DOLPP1: variants seen among roughly 807,000 people sequenced by gnomAD.
The protein encoded by DOLPP1 is dolichyl pyrophosphate phosphatase 1.
A neutral mutation model predicts 34.1 loss-of-function variants in DOLPP1; 15 were observed. The ratio of observed to expected loss-of-function variants is 0.44; its 90% CI spans 0.29 to 0.68. The LOEUF (loss-of-function observed/expected upper bound fraction) is 0.68, where lower values mean the gene tolerates loss of function less well. DOLPP1 is among the 30% of genes least tolerant of loss of function. The pLI, the probability that DOLPP1 is intolerant of heterozygous loss-of-function variation, is 0.12. For synonymous variants in DOLPP1, 130 were observed against 128.2 expected, an observed-to-expected ratio of 1.01 and a Z score of -0.10; for missense variants, 249 against 307.1, an observed-to-expected ratio of 0.81 and a Z score of 1.41.
At chr9:129,086,642 G>T in intron 6 of DOLPP1, 67 bp from the exon 7 acceptor site, 2 of 1,505,464 alleles carry the variant, frequency 1.3e-6, no homozygotes, top group Non-Finnish European at 1.8e-6. Context: ...CAATGGTGGG[G>T]ATGGCTGGCA....
Position 129,085,462 on chromosome 9 carries a change from T to G in DOLPP1, c.363-56T>G. ...CATTTGGATGGGGCCAGGGACTGTT[T>G]GGGAGGCCTGGGCTGGGCTGTGGGC... On this transcript the variant is annotated intron_variant, in intron 4 of 7. Coordinates refer to ENST00000372546, the MANE Select transcript of DOLPP1 (RefSeq NM_020438.5). The surrounding 1 kb of genome is among the most constrained non-coding windows in gnomAD (Gnocchi z 7.0). 1 of 1,578,076 alleles carries G rather than the reference T, an allele frequency of 6.3e-7. No individual in the cohort carries two copies. Among genetic ancestry groups the G allele is most frequent in the Non-Finnish European group, 8.7e-7 (1 of 1,150,232 alleles).
At chr9:129,081,537 C>T (rs1846889563) in intron 1 of DOLPP1, among the ~76,000 whole-genome samples, 1 of 152,182 alleles carries the variant, frequency 6.6e-6, no homozygotes, top group Admixed American at 6.5e-5. Flanking sequence ...CTTGGCCCTT[C>T]TTCCCCGCCC....
chr9:129,084,996 C>T (rs373322370), intron 2 of DOLPP1, 27 bp from the exon 3 acceptor site: 25 of 1,549,602 alleles, frequency 1.6e-5, no homozygotes, highest in Non-Finnish European at 2.2e-5. Flanking sequence ...CACAGAGGCC[C>T]AGCTGACCAT....
chr9:129,081,191 C>T lies in DOLPP1; in HGVS notation c.60C>T (p.His20=). ...CATGGCGGCCGGTGACCCTCACCCACGTCGAATATCCTGCAGGTAAAAGGC... is the reference window on the plus strand; with the variant it reads ...CATGGCGGCCGGTGACCCTCACCCATGTCGAATATCCTGCAGGTAAAAGGC... ...PASWRPVTLT[H]VEYPAGDLSG... The change falls in exon 1 of 8, where the codon CAC becomes CAT. Residue 20 remains histidine, a synonymous_variant. Coordinates refer to ENST00000372546, the MANE Select transcript of DOLPP1 (RefSeq NM_020438.5). The T allele has an allele frequency of 1.9e-6, 3 of 1,610,266 alleles. No homozygotes were observed. The highest frequency in any genetic ancestry group is 2.2e-5 in the East Asian group (1 of 44,760).
chr9:129,084,936 G>A, intron 2 of DOLPP1, 87 bp from the exon 3 acceptor site: 1 of 1,451,384 alleles, frequency 6.9e-7, no homozygotes, highest in Non-Finnish European at 9.5e-7. Context: ...TGGGCTGGGA[G>A]GTTCAGTCAG....
At chr9:129,088,939 TC>T (rs1483942357) in intron 7 of DOLPP1, 31 bp from the exon 8 acceptor site, 1 of 1,612,566 alleles carries the variant, frequency 6.2e-7, no homozygotes, top group Non-Finnish European at 8.5e-7. Flanking sequence ...ACACCAGATG[TC>T]TCCACATCTG....
At chr9:129,084,496 C>T in intron 1 of DOLPP1, 172 bp from the exon 2 acceptor site, 2 of 700,202 alleles carry the variant, frequency 2.9e-6, no homozygotes, top group Non-Finnish European at 5.2e-6. Context: ...TCACGTATGG[C>T]TGTGACTGAG....
At position 129,081,140 on chromosome 9, in the gene DOLPP1, G is replaced by A. The variant is rs754923282; in HGVS notation, c.9G>A (p.Ala3=). 14 of 1,608,818 alleles carry A rather than the reference G, an allele frequency of 8.7e-6. No homozygotes were observed. Among genetic ancestry groups the A allele is most frequent in the Non-Finnish European group, 1.2e-5 (14 of 1,179,288 alleles). Residue 3 remains alanine, a synonymous_variant, in exon 1 of 8, where the codon GCG becomes GCA. Coordinates refer to ENST00000372546, the MANE Select transcript of DOLPP1 (RefSeq NM_020438.5). MA[A]DGQCSLPASW... is the part of the protein sequence containing the mutation. The stretch of plus-strand genomic sequence containing the variant: ...CCCGGTCTCCGGGTAAGATGGCAGC[G>A]GACGGACAGTGCTCGCTCCCCGCTT...
Position 129,085,129 on chromosome 9 carries a change from C to G in DOLPP1, c.262+22C>G. Reference sequence around the variant, plus strand: ...GGAGGTAGGGCCTCAGCTGCGAGGGCCTGAGGTTCCCCCAGGTTGGGGCGT... The same window carrying G: ...GGAGGTAGGGCCTCAGCTGCGAGGGGCTGAGGTTCCCCCAGGTTGGGGCGT... On this transcript the variant is annotated intron_variant, in intron 3 of 7. Coordinates refer to ENST00000372546, the MANE Select transcript of DOLPP1 (RefSeq NM_020438.5). The surrounding 1 kb of genome is among the most constrained non-coding windows in gnomAD (Gnocchi z 7.0). 6.2e-7 allele frequency: 1 copy of G among 1,606,224 alleles called. No individual in the cohort carries two copies. Among genetic ancestry groups the G allele is most frequent in the South Asian group, 1.1e-5 (1 of 89,924 alleles).
chr9:129,086,067 C>T, intron 5 of DOLPP1, 72 bp from the exon 6 acceptor site: 4 of 1,493,686 alleles, frequency 2.7e-6, no homozygotes, highest in Non-Finnish European at 3.7e-6. Context: ...GAAGCTGGCA[C>T]ATGGGCAGTG....
At chr9:129,081,964 T>A (rs566711968) in intron 1 of DOLPP1, among the ~76,000 whole-genome samples, 1 of 152,192 alleles carries the variant, frequency 6.6e-6, no homozygotes, top group Non-Finnish European at 1.5e-5. Context: ...AATTCATCTC[T>A]AAAGTGGGAC....
chr9:129,082,045 C>T (rs1407493306), intron 1 of DOLPP1, among the ~76,000 whole-genome samples: 1 of 152,234 alleles, frequency 6.6e-6, no homozygotes, highest in Non-Finnish European at 1.5e-5. Flanking sequence ...GGGCTGAGTA[C>T]AGTGCCCGGC....
At chr9:129,084,799 C>T in intron 2 of DOLPP1, 31 bp downstream of exon 2, 1 of 1,517,002 alleles carries the variant, frequency 6.6e-7, no homozygotes, top group South Asian at 1.1e-5. Context: ...CCCTCCCCAC[C>T]CCACCCCCAG....
intron 2 of DOLPP1, 32 bp downstream of exon 2, chr9:129,084,800 C>T (rs780133051): frequency 1.3e-6 from 2 of 1,509,706 alleles, no homozygotes; most frequent in Non-Finnish European, 1.8e-6. Flanking sequence ...CCTCCCCACC[C>T]CACCCCCAGT....
chr9:129,085,729 C>T lies in DOLPP1; in HGVS notation c.461+113C>T. 1 of 820,658 alleles carries T rather than the reference C, an allele frequency of 1.2e-6. No individual in the cohort carries two copies. The highest frequency in any genetic ancestry group is 1.9e-6 in the Non-Finnish European group (1 of 530,694). The allele number at this position is 820,658 out of a possible 1,614,324, so 50.8% of individuals were successfully genotyped here. ...TAGTCCCAGAACCTGTAGTGCAGGA[C>T]TGGAAAAGGGGTCCCAGACCTCTAG... On this transcript the variant is annotated intron_variant, in intron 5 of 7. Transcript: ENST00000372546. This position sits in a 1 kb window ranked among gnomAD's most constrained non-coding sequence, Gnocchi z 7.0.
chr9:129,090,288 T>C lies in DOLPP1; in HGVS notation c.*1281T>C, dbSNP rs1235454811. 1 of 152,684 alleles carries C rather than the reference T, an allele frequency of 6.5e-6. No homozygotes were observed. 9.5% of individuals were successfully genotyped at this position (152,684 alleles called of 1,614,324 possible). On this transcript the variant is annotated 3_prime_UTR_variant, in exon 8 of 8. Transcript: ENST00000372546. ...GATGCCAAGACCAGGGGCTTATTTCTAGGGAAGGTAGGTCGGTTTCCATGT... is the reference window on the plus strand; with the variant it reads ...GATGCCAAGACCAGGGGCTTATTTCCAGGGAAGGTAGGTCGGTTTCCATGT...
intron 1 of DOLPP1, among the ~76,000 whole-genome samples, chr9:129,084,116 C>T (rs1846938846): frequency 6.6e-6 from 1 of 152,238 alleles, no homozygotes; most frequent in Non-Finnish European, 1.5e-5. Flanking sequence ...TCAGTGTGGA[C>T]CCAAGTCTGT....
intron 1 of DOLPP1, among the ~76,000 whole-genome samples, chr9:129,083,232 G>A (rs1846923509): frequency 6.6e-6 from 1 of 152,172 alleles, no homozygotes; most frequent in African/African-American, 2.4e-5. Flanking sequence ...AGAGTCCCTG[G>A]TAGCATCTTC....
rs184551088 is a variant in DOLPP1 at position 129,088,238 on chromosome 9, A to G, written c.681-733A>G. On this transcript the variant is annotated intron_variant, in intron 7 of 7. Transcript: ENST00000372546. ...CTCAGCAGAGGGAAGGGCATGCACA[A>G]CTCCTGAAGCTGACAAAGCTTGGTG... 1.2e-4 allele frequency among the ~76,000 whole-genome samples: 18 copies of G among 150,766 alleles called. No individual in the cohort carries two copies. The East Asian group carries it at 3.5e-3, about 30-fold the overall frequency.
Sources: allele counts gnomAD v4.1 joint callset (sites outside exome capture counted in the v4.1 genomes callset), GRCh38; gene constraint gnomAD v4.1.1; non-coding constraint Gnocchi (gnomAD v3.1); transcripts MANE v1.5; gene names NCBI Gene and HGNC (gene_info 2026-07-23, HGNC 2026-07-21).